The following PHACTR2 variants were observed in gnomAD, a reference collection of about 807,000 sequenced individuals.
The protein encoded by PHACTR2 is chromosome 6 open reading frame 56.
PHACTR2 carries 30 observed loss-of-function variants against 76.0 expected under a neutral mutation model. The ratio of observed to expected loss-of-function variants is 0.39; its 90% CI spans 0.30 to 0.54. The LOEUF (loss-of-function observed/expected upper bound fraction) is 0.54, where lower values mean the gene tolerates loss of function less well. PHACTR2 is among the 20% of genes least tolerant of loss of function. The probability of loss-of-function intolerance (pLI) is 0.61; values close to 1 mark genes in which losing one functional copy is unlikely to be tolerated. For synonymous variants in PHACTR2, 292 were observed against 292.5 expected, an observed-to-expected ratio of 1.00 and a Z score of 0.02; for missense variants, 696 against 781.1, an observed-to-expected ratio of 0.89 and a Z score of 1.30.
intron 1 of PHACTR2, among the ~76,000 whole-genome samples, chr6:143,559,690 CTTTTTTTTTTTTTT>C (rs5880566): frequency 1.6e-4 from 5 of 31,894 alleles, no homozygotes; most frequent in African/African-American, 5.1e-4. Context: ...TTTTTCTTTT[CTTTTTTTTTTTTTT>C]TTTTTTTTTT....
At position 143,824,344 on chromosome 6, in the gene PHACTR2, C is replaced by T. The variant is rs2128487906; in HGVS notation, c.*655C>T. On this transcript the variant is annotated 3_prime_UTR_variant, in exon 13 of 13. Coordinates refer to ENST00000440869, the MANE Select transcript of PHACTR2 (RefSeq NM_001100164.2). The surrounding 1 kb of genome is among the most constrained non-coding windows in gnomAD (Gnocchi z 6.3). ...AGAAATAAGTCTGAATGTTTTCATG[C>T]ATCTTTTTCTTAAATGCAAGAGCTT... 6.5e-6 allele frequency: 1 copy of T among 152,760 alleles called. No individual in the cohort carries two copies. The highest frequency in any genetic ancestry group is 1.9e-4 in the East Asian group (1 of 5,184). The allele number at this position is 152,760 out of a possible 1,614,324, so 9.5% of individuals were successfully genotyped here.
intron 11 of PHACTR2, among the ~76,000 whole-genome samples, chr6:143,790,503 C>T (rs1029111950): frequency 6.6e-5 from 10 of 152,018 alleles, no homozygotes; most frequent in African/African-American, 1.9e-4. Flanking sequence ...CTTTGCCTTT[C>T]GTTCATTATG....
rs1562320275 is a variant in PHACTR2 at position 143,822,898 on chromosome 6, G to A, written c.1923-776G>A. Among the ~76,000 whole-genome samples, 1 of 152,334 alleles carries A rather than the reference G, an allele frequency of 6.6e-6. No individual in the cohort carries two copies. The highest frequency in any genetic ancestry group is 1.9e-4 in the East Asian group (1 of 5,188). On this transcript the variant is annotated intron_variant, in intron 12 of 12. Transcript: ENST00000440869. This position sits in a 1 kb window ranked among gnomAD's most constrained non-coding sequence, Gnocchi z 5.5. Reference sequence around the variant, plus strand: ...GGAATGTTCAGGAACTCACAAGGAGGGAAAGGAAGCCAGCTGGCTGGCTAA... The same window carrying A: ...GGAATGTTCAGGAACTCACAAGGAGAGAAAGGAAGCCAGCTGGCTGGCTAA...
At chr6:143,661,562 CTT>C (rs112963559) in intron 1 of PHACTR2, among the ~76,000 whole-genome samples, 7 of 139,546 alleles carry the variant, frequency 5.0e-5, no homozygotes, top group Non-Finnish European at 4.7e-5. Flanking sequence ...AATTTTCTTT[CTT>C]TTTTTTTTTT....
chr6:143,628,971 A>G (rs1776312120), intron 1 of PHACTR2, among the ~76,000 whole-genome samples: 1 of 103,860 alleles, frequency 9.6e-6, no homozygotes, highest in African/African-American at 3.8e-5. Context: ...ATATATATAT[A>G]TATATATACT....
chr6:143,623,590 GTAATAA>G lies in PHACTR2; in HGVS notation c.13+15280_13+15285del, dbSNP rs922743481. ...ACTCTGACTCGAAATAATAATAATA[GTAATAA>G]TAATAATAATACCAAATGAGAGAGA... is the stretch of plus-strand genomic sequence containing the variant. On this transcript the variant is annotated intron_variant, in intron 1 of 11. Transcript: ENST00000305766. The surrounding 1 kb of genome is among the most constrained non-coding windows in gnomAD (Gnocchi z 5.9). Among the ~76,000 whole-genome samples the G allele has an allele frequency of 5.9e-5, 9 of 151,562 alleles. No homozygotes were observed. The highest frequency in any genetic ancestry group is 2.2e-4 in the African/African-American group (9 of 41,288).
upstream of PHACTR2, among the ~76,000 whole-genome samples, chr6:143,605,558 G>A (rs1296328723): frequency 6.6e-6 from 1 of 152,154 alleles, no homozygotes; most frequent in Non-Finnish European, 1.5e-5. The surrounding 1 kb of genome is among the most constrained non-coding windows in gnomAD (Gnocchi z 5.0). Flanking sequence ...GACAGAGGAG[G>A]GGCAGTGGTG....
rs79592615 is a variant in PHACTR2 at position 143,728,514 on chromosome 6, G to A, written c.214+16331G>A. On this transcript the variant is annotated intron_variant, in intron 2 of 12. Transcript: ENST00000440869. Reference sequence around the variant, plus strand: ...AAAATTTGTATGGAACTAAAAAAGAGCCCAAACAGCCAAAGCAATCCTGAG... The same window carrying A: ...AAAATTTGTATGGAACTAAAAAAGAACCCAAACAGCCAAAGCAATCCTGAG... 6.6e-5 allele frequency among the ~76,000 whole-genome samples: 10 copies of A among 152,114 alleles called. No homozygotes were observed. The East Asian group carries it at 1.5e-3, about 24-fold the overall frequency.
intron 12 of PHACTR2, among the ~76,000 whole-genome samples, chr6:143,813,543 G>A (rs138372898): frequency 0.014 from 2,081 of 150,690 alleles, 44 homozygotes; most frequent in African/African-American, 0.047. Flanking sequence ...CCGTGAACCC[G>A]GGAGGCGGAG....
chr6:143,569,649 T>A lies in PHACTR2; in HGVS notation c.217+32442T>A, dbSNP rs76922670. ...CCACTGGTGGTATGTAGGATATTTT[T>A]ATGTGGAATATAGATAGACATACCT... On this transcript the variant is annotated intron_variant, in intron 1 of 11. Transcript: ENST00000367584. Among the ~76,000 whole-genome samples the A allele has an allele frequency of 8.6e-3, 1,313 of 152,352 alleles. 25 individuals carry two copies. Among genetic ancestry groups the A allele is most frequent in the African/African-American group, 0.028 (1,180 of 41,572 alleles).
intron 1 of PHACTR2, among the ~76,000 whole-genome samples, chr6:143,577,542 G>A (rs1775528840): frequency 6.6e-6 from 1 of 152,186 alleles, no homozygotes; most frequent in East Asian, 1.9e-4. Flanking sequence ...GAGGCATTGA[G>A]ATGAGAATGC....
At chr6:143,628,825 C>G (rs1468618452) in intron 1 of PHACTR2, among the ~76,000 whole-genome samples, 2 of 150,764 alleles carry the variant, frequency 1.3e-5, no homozygotes, top group Admixed American at 6.6e-5. Context: ...AGTCTGATTT[C>G]TTTAGCAGTG....
chr6:143,800,611 C>T lies in PHACTR2; in HGVS notation c.1846-6446C>T, dbSNP rs1300611353. On this transcript the variant is annotated intron_variant, in intron 11 of 12. Coordinates refer to ENST00000440869, the MANE Select transcript of PHACTR2 (RefSeq NM_001100164.2). This position sits in a 1 kb window ranked among gnomAD's most constrained non-coding sequence, Gnocchi z 4.8. The stretch of plus-strand genomic sequence containing the variant: ...TGTCTTTGCATGTGAGATGGGTCTC[C>T]TGAATACAGCACACTGATGGGTCTA... Among the ~76,000 whole-genome samples, 8 of 152,144 alleles carry T rather than the reference C, an allele frequency of 5.3e-5. No homozygotes were observed. Among genetic ancestry groups the T allele is most frequent in the African/African-American group, 1.2e-4 (5 of 41,438 alleles).
intron 1 of PHACTR2, among the ~76,000 whole-genome samples, chr6:143,650,389 C>A (rs1450529056): frequency 6.6e-6 from 1 of 152,050 alleles, no homozygotes; most frequent in Non-Finnish European, 1.5e-5. Flanking sequence ...CGAGGCAATC[C>A]TAAGCAAAAA....
intron 1 of PHACTR2, among the ~76,000 whole-genome samples, chr6:143,661,393 TG>T (rs1415880231): frequency 1.3e-5 from 2 of 152,122 alleles, no homozygotes; most frequent in Non-Finnish European, 1.5e-5. Flanking sequence ...TGGGGCTTCA[TG>T]TGGGTTTTAG....
At position 143,697,632 on chromosome 6, in the gene PHACTR2, A is replaced by G. The variant is rs1194855435; in HGVS notation, c.47-14384A>G. On this transcript the variant is annotated intron_variant, in intron 1 of 12. Coordinates refer to ENST00000440869, the MANE Select transcript of PHACTR2 (RefSeq NM_001100164.2). This position sits in a 1 kb window ranked among gnomAD's most constrained non-coding sequence, Gnocchi z 4.4. ...TCCTGCTGGCTCTGATATTTTCCCA[A>G]TTTCAAACATTAGTGTTTGTTATAT... 1.3e-5 allele frequency among the ~76,000 whole-genome samples: 2 copies of G among 152,196 alleles called. No homozygotes were observed. The highest frequency in any genetic ancestry group is 6.5e-5 in the Admixed American group (1 of 15,288).
At position 143,742,511 on chromosome 6, in the gene PHACTR2, A is replaced by G. The variant is rs1321388671; in HGVS notation, c.215-6474A>G. ...TGGATCTTATTTCTGCAACTTGAGCATGTGTCCCTCTCTGAACCAGTCACC... is the reference window on the plus strand; with the variant it reads ...TGGATCTTATTTCTGCAACTTGAGCGTGTGTCCCTCTCTGAACCAGTCACC... On this transcript the variant is annotated intron_variant, in intron 2 of 12. Coordinates refer to ENST00000440869, the MANE Select transcript of PHACTR2 (RefSeq NM_001100164.2). The surrounding 1 kb of genome is among the most constrained non-coding windows in gnomAD (Gnocchi z 4.5). Among the ~76,000 whole-genome samples the G allele has an allele frequency of 6.6e-6, 1 of 152,200 alleles. No homozygotes were observed. The highest frequency in any genetic ancestry group is 1.5e-5 in the Non-Finnish European group (1 of 68,040).
chr6:143,756,873 C>A (rs1779313575), intron 4 of PHACTR2, among the ~76,000 whole-genome samples: 1 of 152,062 alleles, frequency 6.6e-6, no homozygotes, highest in Non-Finnish European at 1.5e-5. Context: ...CAGGGCAAAG[C>A]CCCATCTCTA....
chr6:143,800,474 G>T lies in PHACTR2; in HGVS notation c.1846-6583G>T, dbSNP rs1192220728. Among the ~76,000 whole-genome samples the T allele has an allele frequency of 1.3e-5, 2 of 152,056 alleles. No individual in the cohort carries two copies. Among genetic ancestry groups the T allele is most frequent in the Non-Finnish European group, 2.9e-5 (2 of 68,016 alleles). Reference sequence around the variant, plus strand: ...GACGGGGTTTCACTGTGTTAGCCAGGATGGTCTCGATCTCCTGACTTCGTG... The same window carrying T: ...GACGGGGTTTCACTGTGTTAGCCAGTATGGTCTCGATCTCCTGACTTCGTG... On this transcript the variant is annotated intron_variant, in intron 11 of 12. Coordinates refer to ENST00000440869, the MANE Select transcript of PHACTR2 (RefSeq NM_001100164.2). This position sits in a 1 kb window ranked among gnomAD's most constrained non-coding sequence, Gnocchi z 4.8.
Sources: allele counts gnomAD v4.1 joint callset (sites outside exome capture counted in the v4.1 genomes callset), GRCh38; gene constraint gnomAD v4.1.1; non-coding constraint Gnocchi (gnomAD v3.1); transcripts MANE v1.5; gene names NCBI Gene and HGNC (gene_info 2026-07-23, HGNC 2026-07-21).